Variants in TMEM135 observed in about 807,000 individuals in gnomAD.
The protein encoded by TMEM135 is transmembrane protein 135, also known as peroxisomal membrane protein 52.
In TMEM135, 30 loss-of-function variants were observed where a neutral mutation model predicts 60.3. That is an observed-to-expected ratio of 0.50 (90% CI 0.37 to 0.68). TMEM135 has a LOEUF of 0.68. Ranked by LOEUF, TMEM135 falls within the 30% of genes least tolerant of loss-of-function variation. TMEM135 has a pLI of 0.00. For missense variants in TMEM135, 468 were observed against 548.8 expected, an observed-to-expected ratio of 0.85 and a Z score of 1.47; for synonymous variants, 190 against 186.7, an observed-to-expected ratio of 1.02 and a Z score of -0.14.
At chr11:87,232,592 A>G (rs973326953) in intron 5 of TMEM135, among the ~76,000 whole-genome samples, 9 of 152,162 alleles carry the variant, frequency 5.9e-5, no homozygotes, top group African/African-American at 2.2e-4. Context: ...AAACAAAATG[A>G]AAAAACTTTT....
rs559185894 is a variant in TMEM135 at position 87,196,608 on chromosome 11, G to A, written c.462+39202G>A. 1.9e-3 allele frequency among the ~76,000 whole-genome samples: 289 copies of A among 152,142 alleles called. 3 individuals are homozygous for A. Among genetic ancestry groups the A allele is most frequent in the African/African-American group, 6.5e-3 (270 of 41,540 alleles). ...ATTATTTTTAGGGAATTTGATGGGG[G>A]GAACCTGAAATTGAGGCTTAGTTTT... On this transcript the variant is annotated intron_variant, in intron 5 of 14. Transcript: ENST00000305494.
At chr11:87,059,216 C>G (rs1949922903) in intron 1 of TMEM135, among the ~76,000 whole-genome samples, 1 of 151,982 alleles carries the variant, frequency 6.6e-6, no homozygotes, top group African/African-American at 2.4e-5. Context: ...ACGTCAGCCA[C>G]CGCGCCCAGC....
intron 5 of TMEM135, among the ~76,000 whole-genome samples, chr11:87,182,971 G>A (rs1939556235): frequency 6.6e-6 from 1 of 151,850 alleles, no homozygotes; most frequent in South Asian, 2.1e-4. Flanking sequence ...TAATCTGTTA[G>A]GATTTGATTA....
At chr11:87,281,447 A>G (rs945040860) in intron 6 of TMEM135, among the ~76,000 whole-genome samples, 2 of 152,214 alleles carry the variant, frequency 1.3e-5, no homozygotes, top group African/African-American at 4.8e-5. Flanking sequence ...AGACTATCCT[A>G]TTTCTGAAAC....
chr11:87,249,786 C>T (rs1941373353), intron 6 of TMEM135, among the ~76,000 whole-genome samples: 2 of 151,864 alleles, frequency 1.3e-5, no homozygotes, highest in Non-Finnish European at 2.9e-5. Flanking sequence ...TCTTTTATTG[C>T]TATGTGTTTG....
chr11:87,107,852 G>A (rs1475155060), intron 4 of TMEM135, among the ~76,000 whole-genome samples: 3 of 152,140 alleles, frequency 2.0e-5, no homozygotes, highest in African/African-American at 7.2e-5. Flanking sequence ...CTTCCACAAT[G>A]GTTGAACTAG....
chr11:87,154,521 T>A (rs1472101220), intron 4 of TMEM135, among the ~76,000 whole-genome samples: 1 of 152,204 alleles, frequency 6.6e-6, no homozygotes, highest in African/African-American at 2.4e-5. Flanking sequence ...TGTATGATAA[T>A]TCGATGTGTA....
At chr11:87,166,452 T>G (rs557919160) in intron 5 of TMEM135, among the ~76,000 whole-genome samples, 4 of 151,888 alleles carry the variant, frequency 2.6e-5, no homozygotes, top group South Asian at 2.1e-4. Flanking sequence ...TACGTTTAAG[T>G]CTTTAATCCA....
intron 6 of TMEM135, among the ~76,000 whole-genome samples, chr11:87,274,122 A>G (rs545604040): frequency 1.3e-5 from 2 of 152,304 alleles, no homozygotes; most frequent in South Asian, 4.1e-4. Context: ...GGTAGTAGTA[A>G]TAATTCAGGA....
intron 3 of TMEM135, among the ~76,000 whole-genome samples, chr11:87,086,580 T>A (rs1338659512): frequency 6.6e-6 from 1 of 151,192 alleles, no homozygotes; most frequent in Non-Finnish European, 1.5e-5. Context: ...TCAGTGTGCC[T>A]GTGTCTGGGG....
At chr11:87,057,558 G>T (rs188639960) in intron 1 of TMEM135, among the ~76,000 whole-genome samples, 1 of 152,126 alleles carries the variant, frequency 6.6e-6, no homozygotes, top group Non-Finnish European at 1.5e-5. Context: ...AAGTAGAAGA[G>T]AATCTTGCCT....
intron 4 of TMEM135, among the ~76,000 whole-genome samples, chr11:87,102,006 A>T (rs1857469215): frequency 1.3e-5 from 2 of 152,138 alleles, no homozygotes. Flanking sequence ...AGAAAAAAGT[A>T]CTTTCTCTTG....
In TMEM135 at chr11:87,253,632, CATATATATATATATATATATATATAT is replaced by C. The variant is rs60680451; in HGVS notation, c.509+16989_509+17014del. Reference sequence around the variant, plus strand: ...TGTTGTTTGAACTTAAAGGATGAGCCATATATATATATATATATATATATATATATATATATATATATATATATATA... The same window carrying C: ...TGTTGTTTGAACTTAAAGGATGAGCCATATATATATATATATATATATATA... On this transcript the variant is annotated intron_variant, in intron 6 of 14. Transcript: ENST00000305494. Among the ~76,000 whole-genome samples, 220 of 128,188 alleles carry C rather than the reference CATATATATATATATATATATATATAT, an allele frequency of 1.7e-3. 3 individuals carry two copies. Among genetic ancestry groups the C allele is most frequent in the East Asian group, 3.9e-3 (11 of 2,856 alleles). The allele number at this position is 128,188 out of a possible 152,430, so 84.1% of individuals were successfully genotyped here.
chr11:87,311,443 A>T (rs1283204244), intron 10 of TMEM135, among the ~76,000 whole-genome samples: 1 of 152,098 alleles, frequency 6.6e-6, no homozygotes, highest in Non-Finnish European at 1.5e-5. Context: ...CACATTTAAA[A>T]AAATTTCTCA....
chr11:87,083,238 A>G (rs1049826938), intron 3 of TMEM135, among the ~76,000 whole-genome samples: 2 of 152,190 alleles, frequency 1.3e-5, no homozygotes, highest in African/African-American at 4.8e-5. Flanking sequence ...AATTTGTGCC[A>G]CAAAGGACTC....
chr11:87,267,436 TTCACATGA>T (rs2135407019), intron 6 of TMEM135, among the ~76,000 whole-genome samples: 1 of 152,322 alleles, frequency 6.6e-6, no homozygotes, highest in Admixed American at 6.5e-5. Flanking sequence ...TGTATCTGAT[TTCACATGA>T]TTGTGGGGGC....
intron 5 of TMEM135, among the ~76,000 whole-genome samples, chr11:87,229,901 A>G (rs1345164634): frequency 6.6e-6 from 1 of 152,018 alleles, no homozygotes; most frequent in Non-Finnish European, 1.5e-5. Context: ...ATGTACATGC[A>G]TTACTTTTTT....
At chr11:87,079,811 A>G (rs555139412) in intron 3 of TMEM135, among the ~76,000 whole-genome samples, 2 of 148,350 alleles carry the variant, frequency 1.3e-5, no homozygotes, top group East Asian at 4.0e-4. Flanking sequence ...TGATAAGATC[A>G]TATGATCTTT....
intron 13 of TMEM135, chr11:87,319,031 G>A (rs751808243): frequency 9.0e-6 from 3 of 334,028 alleles, no homozygotes; most frequent in Non-Finnish European, 1.7e-5. Context: ...ACCACGCCTG[G>A]CTAATTTTTG....
Sources: gnomAD v4.1 joint callset for allele counts (sites outside exome capture counted in the v4.1 genomes callset) on GRCh38, gnomAD v4.1.1 for gene constraint, MANE v1.5 for transcripts, NCBI Gene and HGNC (gene_info 2026-07-23, HGNC 2026-07-21) for gene names.